The following CDH19 variants were observed in gnomAD, a reference collection of about 807,000 sequenced individuals.
CDH19 encodes cadherin 19, also known as cadherin-19.
Under a neutral mutation model 64.2 loss-of-function variants are expected in CDH19, and 67 were observed. That is an observed-to-expected ratio of 1.04 (90% CI 0.86 to 1.28). CDH19 has a LOEUF of 1.28. Among genes scored for constraint, CDH19 ranks in the 50% most tolerant of loss-of-function variants. The pLI is 0.00. For synonymous variants in CDH19, 346 were observed against 319.3 expected, an observed-to-expected ratio of 1.08 and a Z score of -0.89; for missense variants, 1,030 against 929.0, an observed-to-expected ratio of 1.11 and a Z score of -1.41.
chr18:66,545,549 A>G (rs1240375846), intron 5 of CDH19, among the ~76,000 whole-genome samples: 1 of 151,962 alleles, frequency 6.6e-6, no homozygotes, highest in African/African-American at 2.4e-5. Context: ...TCTATCACCA[A>G]TATTATCTCT....
intron 7 of CDH19, among the ~76,000 whole-genome samples, chr18:66,540,609 GC>G (rs1986851024): frequency 6.6e-6 from 1 of 152,038 alleles, no homozygotes; most frequent in Admixed American, 6.6e-5. Flanking sequence ...TGTCCTTACA[GC>G]CAGAGAGAGG....
rs1377669577 is a variant in CDH19, at chr18:66,529,950, G to A, written c.1353C>T (p.Ile451=). 2 of 1,543,950 alleles carry A rather than the reference G, an allele frequency of 1.3e-6. No homozygotes were observed. Among genetic ancestry groups the A allele is most frequent in the Admixed American group, 3.5e-5 (2 of 57,294 alleles). ...CTTGCACATACAGTGGGATCGAAGA[G>A]ATCTGTTCTATATTGTCTGCAATTT... The part of the protein sequence containing the change: ...TATEKYNIEQ[I]SSIPLYVQVL... Residue 451 remains isoleucine (I), a synonymous_variant, in exon 9 of 12, where the codon ATC becomes ATT. Coordinates refer to ENST00000262150, the MANE Select transcript of CDH19 (RefSeq NM_021153.4).
chr18:66,601,167 C>T (rs1476971625), intron 1 of CDH19, among the ~76,000 whole-genome samples: 3 of 151,828 alleles, frequency 2.0e-5, no homozygotes. Context: ...ATTATCTCTA[C>T]ATCAAGGAAA....
chr18:66,534,203 A>G (rs1986567903), intron 8 of CDH19, among the ~76,000 whole-genome samples: 1 of 152,068 alleles, frequency 6.6e-6, no homozygotes, highest in African/African-American at 2.4e-5. Flanking sequence ...CCTCTGTTAC[A>G]GCGGGCATTT....
intron 1 of CDH19, among the ~76,000 whole-genome samples, chr18:66,586,569 C>G (rs1463625521): frequency 6.6e-6 from 1 of 151,782 alleles, no homozygotes; most frequent in Non-Finnish European, 1.5e-5. Context: ...AAGGAAGCCA[C>G]AAAGTGTCTA....
chr18:66,501,815 G>A lies in CDH19; in HGVS notation c.*2997C>T, dbSNP rs956241872. The A allele has an allele frequency of 6.6e-6, 1 of 152,086 alleles. No homozygotes were observed. Among genetic ancestry groups the A allele is most frequent in the Non-Finnish European group, 1.5e-5 (1 of 68,012 alleles). The allele number at this position is 152,086 out of a possible 1,614,324, so 9.4% of individuals were successfully genotyped here. On this transcript the variant is annotated 3_prime_UTR_variant, in exon 12 of 12. Coordinates refer to ENST00000262150, the MANE Select transcript of CDH19 (RefSeq NM_021153.4). ...AAGTGAGATCTGGAAAGATTAAGCA[G>A]TTTAACAAATATTATATGTTCGCTT...
chr18:66,593,407 T>G (rs920868949), intron 1 of CDH19, among the ~76,000 whole-genome samples: 6 of 152,006 alleles, frequency 3.9e-5, no homozygotes, highest in Non-Finnish European at 4.4e-5. Context: ...TGTCTAAACT[T>G]AAAACCTAAT....
Position 66,555,385 on chromosome 18 carries a change from A to G in CDH19, c.491-861T>C, listed in dbSNP as rs190950096. ...TACAACTAGCATCATGAATTTTCTCATCGTAGCCCAATTTTATAAACTGAT... is the reference window on the plus strand; with the variant it reads ...TACAACTAGCATCATGAATTTTCTCGTCGTAGCCCAATTTTATAAACTGAT... On this transcript the variant is annotated intron_variant, in intron 3 of 11. Coordinates refer to ENST00000262150, the MANE Select transcript of CDH19 (RefSeq NM_021153.4). Among the ~76,000 whole-genome samples, 1,070 of 130,750 alleles carry G rather than the reference A, an allele frequency of 8.2e-3. 7 individuals are homozygous for G. Among genetic ancestry groups the G allele is most frequent in the African/African-American group, 0.025 (995 of 39,560 alleles). The allele number at this position is 130,750 out of a possible 152,430, so 85.8% of individuals were successfully genotyped here.
At chr18:66,521,250 C>G (rs1985968862) in intron 9 of CDH19, among the ~76,000 whole-genome samples, 1 of 152,026 alleles carries the variant, frequency 6.6e-6, no homozygotes, top group Admixed American at 6.6e-5. Flanking sequence ...GGGAAAGCTT[C>G]AACAGTACTC....
At chr18:66,531,023 T>C (rs1264966582) in intron 8 of CDH19, among the ~76,000 whole-genome samples, 1 of 152,112 alleles carries the variant, frequency 6.6e-6, no homozygotes, top group East Asian at 1.9e-4. Flanking sequence ...GTTTAGCCCA[T>C]GCCATTTTTG....
At chr18:66,534,660 GA>G (rs1335003601) in intron 8 of CDH19, among the ~76,000 whole-genome samples, 3 of 151,724 alleles carry the variant, frequency 2.0e-5, no homozygotes, top group African/African-American at 7.3e-5. Flanking sequence ...TGGTAAATCA[GA>G]AAAATTTACA....
At chr18:66,552,040 ACACT>A (rs1174100897) in intron 4 of CDH19, among the ~76,000 whole-genome samples, 2 of 152,002 alleles carry the variant, frequency 1.3e-5, no homozygotes, top group African/African-American at 4.8e-5. Context: ...GAAACAATAG[ACACT>A]CAGGACTACT....
intron 7 of CDH19, 119 bp downstream of exon 7, chr18:66,543,852 G>A: frequency 4.1e-6 from 3 of 729,942 alleles, no homozygotes; most frequent in Non-Finnish European, 6.4e-6. Flanking sequence ...CACTGTACTC[G>A]AGCCTAGAAG....
At chr18:66,561,966 T>G (rs561861363) in intron 3 of CDH19, among the ~76,000 whole-genome samples, 12 of 152,194 alleles carry the variant, frequency 7.9e-5, no homozygotes, top group Non-Finnish European at 1.2e-4. Flanking sequence ...CAACTTTTCA[T>G]AGCAAAAGGT....
chr18:66,520,703 C>A (rs1355719555), intron 9 of CDH19, among the ~76,000 whole-genome samples: 1 of 152,010 alleles, frequency 6.6e-6, no homozygotes, highest in Non-Finnish European at 1.5e-5. Context: ...ACCTTATAAT[C>A]ACATCACAAA....
At chr18:66,523,149 C>T (rs564831417) in intron 9 of CDH19, among the ~76,000 whole-genome samples, 1 of 152,198 alleles carries the variant, frequency 6.6e-6, no homozygotes, top group South Asian at 2.1e-4. Flanking sequence ...TCCTCACTAA[C>T]AGATCACAGA....
intron 8 of CDH19, among the ~76,000 whole-genome samples, chr18:66,533,347 T>G (rs531714542): frequency 3.3e-5 from 5 of 151,980 alleles, no homozygotes; most frequent in Admixed American, 2.6e-4. Context: ...CATTTAAAAA[T>G]GAAAAGGTAT....
At chr18:66,571,540 T>C (rs17076454) in intron 2 of CDH19, among the ~76,000 whole-genome samples, 2,994 of 151,798 alleles carry the variant, frequency 0.02, 111 homozygotes, top group African/African-American at 0.068. Context: ...ATTATTCCTT[T>C]TACTTTAACT....
rs1203553787 is a variant in CDH19 at position 66,568,670 on chromosome 18, T to C, written c.236A>G (p.Tyr79Cys). The part of the protein sequence containing the change: ...DLDNGNNSFQ[Y>C]KLLGAGAGST... ...TCCAGCTCCAGCTCCCAAAAGCTTG[T>C]ACTGGAAAGAATTGTTTCCATTGTC... Residue 79 changes from tyrosine to cysteine, a missense_variant, in exon 3 of 12, where the codon TAC (tyrosine) becomes TGC (cysteine). Physicochemically the swap from Tyr to Cys is radical, Grantham distance 194. Coordinates refer to ENST00000262150, the MANE Select transcript of CDH19 (RefSeq NM_021153.4). 1 of 1,610,480 alleles carries C rather than the reference T, an allele frequency of 6.2e-7. No individual in the cohort carries two copies. Among genetic ancestry groups the C allele is most frequent in the Non-Finnish European group, 8.5e-7 (1 of 1,178,474 alleles).
Sources: allele counts gnomAD v4.1 joint callset (sites outside exome capture counted in the v4.1 genomes callset), GRCh38; gene constraint gnomAD v4.1.1; transcripts MANE v1.5; gene names NCBI Gene and HGNC (gene_info 2026-07-23, HGNC 2026-07-21).